The following LRRC4C variants were observed in gnomAD, a reference collection of about 807,000 sequenced individuals.
LRRC4C encodes the protein leucine rich repeat containing 4C, also known as leucine-rich repeat-containing protein 4C.
In LRRC4C, 5 loss-of-function variants were observed where a neutral mutation model predicts 33.6. The observed-to-expected ratio is 0.15, with a 90% confidence interval of 0.08 to 0.31. LRRC4C has a LOEUF of 0.31. Ranked by LOEUF, LRRC4C falls within the 10% of genes least tolerant of loss-of-function variation. The pLI, the probability that LRRC4C is intolerant of heterozygous loss-of-function variation, is 1.00. For synonymous variants in LRRC4C, 329 were observed against 302.0 expected, an observed-to-expected ratio of 1.09 and a Z score of -0.93; for missense variants, 560 against 796.7, an observed-to-expected ratio of 0.70 and a Z score of 3.58.
intron 5 of LRRC4C, among the ~76,000 whole-genome samples, chr11:40,209,294 G>C (rs1177107900): frequency 6.6e-6 from 1 of 152,038 alleles, no homozygotes; most frequent in Non-Finnish European, 1.5e-5. Context: ...CAATAAATAT[G>C]CAGGAATATA....
chr11:40,637,817 C>T (rs1440633939), intron 3 of LRRC4C, among the ~76,000 whole-genome samples: 1 of 152,158 alleles, frequency 6.6e-6, no homozygotes, highest in Non-Finnish European at 1.5e-5. Flanking sequence ...CATCTCCCTT[C>T]AGTCTATACA....
At chr11:40,571,403 A>G (rs1957978167) in intron 3 of LRRC4C, among the ~76,000 whole-genome samples, 1 of 152,116 alleles carries the variant, frequency 6.6e-6, no homozygotes, top group Admixed American at 6.5e-5. Flanking sequence ...ATTTTTATGC[A>G]CTGTCATAGA....
intron 1 of LRRC4C, among the ~76,000 whole-genome samples, chr11:41,088,391 A>G (rs1940159531): frequency 6.6e-6 from 1 of 152,128 alleles, no homozygotes; most frequent in African/African-American, 2.4e-5. Flanking sequence ...ATGTCTAATG[A>G]CATGCTGTGG....
intron 2 of LRRC4C, among the ~76,000 whole-genome samples, chr11:40,768,054 TA>T (rs1057326360): frequency 2.0e-5 from 3 of 151,878 alleles, no homozygotes; most frequent in African/African-American, 7.2e-5. Context: ...AATGGAAAGA[TA>T]AACAGAATTG....
At chr11:41,190,954 G>T (rs1474601648) in intron 1 of LRRC4C, among the ~76,000 whole-genome samples, 1 of 152,166 alleles carries the variant, frequency 6.6e-6, no homozygotes, top group Non-Finnish European at 1.5e-5. Context: ...CAGATAATGA[G>T]AATTTGAATG....
At chr11:40,198,272 TTATG>T (rs1471175738) in intron 5 of LRRC4C, among the ~76,000 whole-genome samples, 2 of 152,218 alleles carry the variant, frequency 1.3e-5, no homozygotes, top group African/African-American at 2.4e-5. Context: ...GTGTACCCAC[TTATG>T]TACCGTAAAA....
intron 1 of LRRC4C, among the ~76,000 whole-genome samples, chr11:41,019,729 G>T (rs2137650942): frequency 6.6e-6 from 1 of 152,186 alleles, no homozygotes; most frequent in South Asian, 2.1e-4. Context: ...GGTATGAGAT[G>T]GTATCTCACT....
chr11:40,604,135 T>C (rs914025657), intron 3 of LRRC4C, among the ~76,000 whole-genome samples: 2 of 152,106 alleles, frequency 1.3e-5, no homozygotes, highest in Admixed American at 6.5e-5. Context: ...AAAATAAAAC[T>C]GCAATATTAA....
chr11:40,883,357 A>C (rs1038199467), intron 2 of LRRC4C, among the ~76,000 whole-genome samples: 8 of 151,964 alleles, frequency 5.3e-5, no homozygotes, highest in African/African-American at 1.9e-4. Context: ...TCAGTGACTT[A>C]CTCCTAAAGT....
intron 5 of LRRC4C, among the ~76,000 whole-genome samples, chr11:40,168,098 C>T (rs1012723781): frequency 6.6e-6 from 1 of 151,850 alleles, no homozygotes; most frequent in Admixed American, 6.6e-5. Context: ...TATCCCACTG[C>T]TAGTAGGAAA....
At chr11:41,043,632 C>A (rs1205640678) in intron 1 of LRRC4C, among the ~76,000 whole-genome samples, 1 of 123,696 alleles carries the variant, frequency 8.1e-6, no homozygotes. Context: ...CATGAAAAAA[C>A]CAAGGCATAA....
At chr11:40,379,945 C>T (rs1250229254) in intron 3 of LRRC4C, among the ~76,000 whole-genome samples, 1 of 151,982 alleles carries the variant, frequency 6.6e-6, no homozygotes, top group Non-Finnish European at 1.5e-5. Context: ...TTTAATGAGT[C>T]CTGTGGATGA....
At chr11:40,465,698 G>C (rs1952617054) in intron 3 of LRRC4C, among the ~76,000 whole-genome samples, 1 of 151,984 alleles carries the variant, frequency 6.6e-6, no homozygotes, top group Non-Finnish European at 1.5e-5. Context: ...ATGAATAAAT[G>C]CTCAACGTTA....
At chr11:40,374,814 A>G (rs1948594208) in intron 3 of LRRC4C, among the ~76,000 whole-genome samples, 1 of 152,132 alleles carries the variant, frequency 6.6e-6, no homozygotes. Context: ...ATGAATTTCA[A>G]CATCCTACAA....
intron 2 of LRRC4C, among the ~76,000 whole-genome samples, chr11:40,701,235 G>T (rs1481846143): frequency 6.6e-6 from 1 of 152,090 alleles, no homozygotes; most frequent in Non-Finnish European, 1.5e-5. Flanking sequence ...ATGCACTGCT[G>T]TCATGTTTCC....
intron 3 of LRRC4C, among the ~76,000 whole-genome samples, chr11:40,481,531 C>T (rs1374253877): frequency 1.3e-5 from 2 of 151,980 alleles, no homozygotes; most frequent in Non-Finnish European, 2.9e-5. Context: ...TAACGGTCAC[C>T]ATAAGGACAA....
chr11:40,477,673 G>T (rs1356212456), intron 3 of LRRC4C, among the ~76,000 whole-genome samples: 2 of 151,912 alleles, frequency 1.3e-5, no homozygotes, highest in Admixed American at 1.3e-4. Flanking sequence ...ATACCACGTG[G>T]CTCTGAGAGT....
intron 3 of LRRC4C, among the ~76,000 whole-genome samples, chr11:40,609,411 A>T (rs918583115): frequency 6.6e-6 from 1 of 152,032 alleles, no homozygotes; most frequent in Non-Finnish European, 1.5e-5. Flanking sequence ...CAACCAAAAC[A>T]GTACCTAAAG....
At chr11:41,346,784 TA>T (rs1951817584) in intron 1 of LRRC4C, among the ~76,000 whole-genome samples, 1 of 152,198 alleles carries the variant, frequency 6.6e-6, no homozygotes, top group Admixed American at 6.5e-5. Context: ...CTGGATGTGG[TA>T]CTCTTATTCA....
Sources: gnomAD v4.1 joint callset for allele counts (sites outside exome capture counted in the v4.1 genomes callset) on GRCh38, gnomAD v4.1.1 for gene constraint, MANE v1.5 for transcripts, NCBI Gene and HGNC (gene_info 2026-07-23, HGNC 2026-07-21) for gene names.